Variants in LRRC27 observed in about 807,000 individuals in gnomAD.
The protein encoded by LRRC27 is leucine rich repeat containing 27.
Under a neutral mutation model 55.0 loss-of-function variants are expected in LRRC27, and 57 were observed. That is an observed-to-expected ratio of 1.04 (90% CI 0.84 to 1.29). The LOEUF is 1.29. LRRC27 is among the 50% of genes most tolerant of loss of function. The pLI, the probability that LRRC27 is intolerant of heterozygous loss-of-function variation, is 0.00. For synonymous variants in LRRC27, 278 were observed against 251.9 expected, an observed-to-expected ratio of 1.10 and a Z score of -0.98; for missense variants, 721 against 651.5, an observed-to-expected ratio of 1.11 and a Z score of -1.16.
intron 3 of LRRC27, among the ~76,000 whole-genome samples, chr10:132,341,438 A>G (rs773468262): frequency 2.0e-5 from 3 of 152,208 alleles, no homozygotes; most frequent in Non-Finnish European, 4.4e-5. Context: ...ATAGTACAAT[A>G]AAAGTTACAA....
In LRRC27 at chr10:132,337,606, A is replaced by G. The variant is rs756680252; in HGVS notation, c.252A>G (p.Gln84=). 18 of 1,614,216 alleles carry G rather than the reference A, an allele frequency of 1.1e-5. No homozygotes were observed. The highest frequency in any genetic ancestry group is 1.7e-5 in the Admixed American group (1 of 60,024). ...GGAATGCCCTGTGTGTGATTCCTCA[A>G]GATTTCTTTCAGTTGCTTCCGAACC... The part of the protein sequence containing the change: ...LQRNALCVIP[Q]DFFQLLPNLT... Residue 84 remains glutamine, a synonymous_variant, in exon 3 of 11, where the codon CAA becomes CAG. Transcript: ENST00000368614.
chr10:132,362,267 G>A (rs2068658400), intron 9 of LRRC27, among the ~76,000 whole-genome samples: 1 of 152,198 alleles, frequency 6.6e-6, no homozygotes, highest in Admixed American at 6.5e-5. Flanking sequence ...GGGATAGCTG[G>A]TGAGCCACAG....
rs528077169 is a variant in LRRC27, at chr10:132,370,612, C to T, written c.1417-4454C>T. Among the ~76,000 whole-genome samples the T allele has an allele frequency of 6.6e-5, 10 of 152,206 alleles. No homozygotes were observed. The South Asian group carries it at 1.9e-3, about 28-fold the overall frequency. ...CCGCTGCCTCTCACAGAGCGCCGGG[C>T]GGGTGGGCCAGGGGAGAGGGGTCCC... On this transcript the variant is annotated intron_variant, in intron 10 of 10. Transcript: ENST00000368614.
upstream of LRRC27, among the ~76,000 whole-genome samples, chr10:132,330,795 C>T (rs553378019): frequency 6.6e-6 from 1 of 151,200 alleles, no homozygotes; most frequent in East Asian, 2.0e-4. Flanking sequence ...CAGGCGTGAG[C>T]CATCGTGTCC....
chr10:132,352,783 G>C (rs867417177), intron 7 of LRRC27: 4 of 1,358,812 alleles, frequency 2.9e-6, no homozygotes, highest in Middle Eastern at 3.6e-4. Context: ...GCCGGTTGCA[G>C]TGCTCGCGGT....
chr10:132,360,067 TTAAG>T (rs879353454), intron 8 of LRRC27, among the ~76,000 whole-genome samples: 4 of 152,056 alleles, frequency 2.6e-5, no homozygotes, highest in Non-Finnish European at 5.9e-5. Context: ...TAAAATAAAA[TTAAG>T]TGTCTGATTT....
chr10:132,342,105 G>A, intron 3 of LRRC27, 108 bp from the exon 4 acceptor site: 1 of 669,952 alleles, frequency 1.5e-6, no homozygotes, highest in Middle Eastern at 4.0e-4. Flanking sequence ...TATCTGTATT[G>A]AAGTTGCCCC....
chr10:132,339,227 G>A (rs1405223621), intron 3 of LRRC27, among the ~76,000 whole-genome samples: 3 of 152,238 alleles, frequency 2.0e-5, no homozygotes, highest in Non-Finnish European at 4.4e-5. Context: ...TGTCTCCCAA[G>A]AGCCATGGTG....
At position 132,365,518 on chromosome 10, in the gene LRRC27, G is replaced by A; in HGVS notation, c.1384G>A (p.Glu462Lys). Residue 462 changes from glutamate to lysine, a missense_variant, in exon 10 of 11, where the codon GAG (glutamate) becomes AAG (lysine). Glu to Lys is a moderately conservative substitution (Grantham distance 56). Transcript: ENST00000368614. ...RRFHGQAPLE[E>K]MRKAAEDLEI... ...ATTCCATGGCCAGGCCCCACTGGAG[G>A]AGATGAGGAAGGCTGCCGAGGATCT... 6.2e-7 allele frequency: 1 copy of A among 1,613,668 alleles called. No individual in the cohort carries two copies. Among genetic ancestry groups the A allele is most frequent in the Non-Finnish European group, 8.5e-7 (1 of 1,179,990 alleles).
chr10:132,347,477 C>A (rs181318532), intron 5 of LRRC27, among the ~76,000 whole-genome samples: 7 of 150,368 alleles, frequency 4.7e-5, no homozygotes, highest in Admixed American at 6.6e-5. Context: ...CACATGTGTC[C>A]TGTGGGGCTT....
chr10:132,332,479 G>A (rs1409682654), intron 1 of LRRC27: 1 of 152,284 alleles, frequency 6.6e-6, no homozygotes, highest in African/African-American at 2.4e-5. Context: ...GGCGTGCGTG[G>A]GGATCCCTTG....
chr10:132,378,578 T>C lies in LRRC27; in HGVS notation c.*3336T>C, dbSNP rs1258557017. 6.6e-6 allele frequency: 1 copy of C among 152,278 alleles called. No individual in the cohort carries two copies. Among genetic ancestry groups the C allele is most frequent in the African/African-American group, 2.4e-5 (1 of 41,452 alleles). 9.4% of individuals were successfully genotyped at this position (152,278 alleles called of 1,614,324 possible). A position where few individuals can be genotyped will look rare whatever the true frequency, so the allele number is the denominator to read the frequency against. ...CCTGCACGTCTCTTCTGTCATGTGT[T>C]CTATTTTTCATTCCTCTCTGTACAT... On this transcript the variant is annotated 3_prime_UTR_variant, in exon 11 of 11. Coordinates refer to ENST00000368614, the MANE Select transcript of LRRC27 (RefSeq NM_030626.3).
rs2069034632 is a variant in LRRC27, at chr10:132,365,522, T to C, written c.1388T>C (p.Met463Thr). Reference protein sequence around the residue: ...RFHGQAPLEEMRKAAEDLEIA... With the variant: ...RFHGQAPLEETRKAAEDLEIA... ...CATGGCCAGGCCCCACTGGAGGAGA[T>C]GAGGAAGGCTGCCGAGGATCTGGAA... Residue 463 changes from methionine (M) to threonine (T), a missense_variant, in exon 10 of 11, where the codon ATG (methionine) becomes ACG (threonine). By Grantham distance (81) the Met-to-Thr change is moderately conservative. Transcript: ENST00000368614. The C allele has an allele frequency of 1.2e-6, 2 of 1,613,508 alleles. No individual in the cohort carries two copies. Among genetic ancestry groups the C allele is most frequent in the Non-Finnish European group, 1.7e-6 (2 of 1,179,986 alleles).
chr10:132,353,084 G>C (rs866315220), intron 7 of LRRC27: 1 of 1,516,100 alleles, frequency 6.6e-7, no homozygotes, highest in African/African-American at 1.4e-5. Context: ...CCAGGAGTCC[G>C]GCTGGCATGG....
At chr10:132,359,041 CAGT>C (rs1355049302) in intron 8 of LRRC27, among the ~76,000 whole-genome samples, 15 of 11,408 alleles carry the variant, frequency 1.3e-3, no homozygotes, top group Non-Finnish European at 3.4e-3. Flanking sequence ...GGTGATGGAG[CAGT>C]GTGGGGAGGA....
Position 132,349,115 on chromosome 10 carries a change from T to G in LRRC27, c.926+759T>G, listed in dbSNP as rs1439484569. The G allele has an allele frequency of 5.2e-6, 6 of 1,159,324 alleles. No individual in the cohort carries two copies. The East Asian group carries it at 1.3e-4, about 24-fold the overall frequency. 71.8% of individuals were successfully genotyped at this position (1,159,324 alleles called of 1,614,324 possible). ...CATGTGGTGTGTGTGCCTGTGTGTG[T>G]GTAAACATCTAGAGAGAGAATGCTG... On this transcript the variant is annotated intron_variant, in intron 6 of 10. Transcript: ENST00000368614.
At chr10:132,338,505 G>A (rs1405596785) in intron 3 of LRRC27, among the ~76,000 whole-genome samples, 1 of 151,960 alleles carries the variant, frequency 6.6e-6, no homozygotes, top group Non-Finnish European at 1.5e-5. Context: ...CCCACTTGTG[G>A]GGTGTAATCC....
At chr10:132,347,541 C>T (rs531710317) in intron 5 of LRRC27, among the ~76,000 whole-genome samples, 30 of 150,672 alleles carry the variant, frequency 2.0e-4, no homozygotes, top group Non-Finnish European at 4.0e-4. Flanking sequence ...GTCAGGTGCA[C>T]CCAGTGGGGC....
In LRRC27 at chr10:132,344,510, C is replaced by T. The variant is rs116005563; in HGVS notation, c.413C>T (p.Thr138Met). Residue 138 changes from threonine (T) to methionine (M), a missense_variant, in exon 5 of 11, where the codon ACG (threonine) becomes ATG (methionine). Physicochemically the swap from Thr to Met is moderately conservative, Grantham distance 81. Coordinates refer to ENST00000368614, the MANE Select transcript of LRRC27 (RefSeq NM_030626.3). The part of the protein sequence containing the change: ...MLPVELGSVT[T>M]LKALNLRHCP... ...TCCTCCACTGCAGGGAGCGTAACCACGCTGAAAGCACTGAACCTAAGACAC... is the reference window on the plus strand; with the variant it reads ...TCCTCCACTGCAGGGAGCGTAACCATGCTGAAAGCACTGAACCTAAGACAC... 128 of 1,613,420 alleles carry T rather than the reference C, an allele frequency of 7.9e-5. No homozygotes were observed. The African/African-American group carries it at 1.3e-3, about 16-fold the overall frequency.
Sources: allele counts gnomAD v4.1 joint callset (sites outside exome capture counted in the v4.1 genomes callset), GRCh38; gene constraint gnomAD v4.1.1; transcripts MANE v1.5; gene names NCBI Gene and HGNC (gene_info 2026-07-23, HGNC 2026-07-21).